CRYBG1: variants seen among roughly 807,000 people sequenced by gnomAD.
CRYBG1 encodes crystallin beta-gamma domain containing 1, also known as beta/gamma crystallin domain-containing protein 1.
A neutral mutation model predicts 189.2 loss-of-function variants in CRYBG1; 139 were observed. That is an observed-to-expected ratio of 0.73 (90% CI 0.64 to 0.85). The LOEUF (loss-of-function observed/expected upper bound fraction) is 0.85, where lower values mean the gene tolerates loss of function less well. Among genes scored for constraint, CRYBG1 ranks in the 40% least tolerant of loss-of-function variants. The probability of loss-of-function intolerance (pLI) is 0.00; values close to 1 mark genes in which losing one functional copy is unlikely to be tolerated. For missense variants in CRYBG1, 2,611 were observed against 2,675.8 expected (o/e 0.98, Z 0.53); for synonymous variants, 1,023 against 1,017.1 (o/e 1.01, Z -0.11).
At chr6:106,564,365 T>C (rs894823564) in intron 21 of CRYBG1, among the ~76,000 whole-genome samples, 1 of 152,226 alleles carries the variant, frequency 6.6e-6, no homozygotes, top group South Asian at 2.1e-4. Context: ...AGTTGATGAT[T>C]CTCATGTATA....
intron 1 of CRYBG1, among the ~76,000 whole-genome samples, chr6:106,451,201 C>A (rs1183755512): frequency 6.6e-6 from 1 of 152,180 alleles, no homozygotes; most frequent in African/African-American, 2.4e-5. Context: ...AGTTTCCATT[C>A]CTTTTGAATC....
chr6:106,392,349 C>T (rs1770523483), intron 1 of CRYBG1, among the ~76,000 whole-genome samples: 1 of 152,186 alleles, frequency 6.6e-6, no homozygotes, highest in Non-Finnish European at 1.5e-5. Flanking sequence ...ATCTCCCGCT[C>T]TCCTCATCTA....
At position 106,417,265 on chromosome 6, in the gene CRYBG1, G is replaced by A. The variant is rs536371190; in HGVS notation, c.174-34429G>A. ...AGACTGGCAGATAAGCTATCGAAGA[G>A]GGAGGAAGAAAATGTGGCAGCTGAG... is the stretch of plus-strand genomic sequence containing the variant. On this transcript the variant is annotated intron_variant, in intron 1 of 21. Coordinates refer to ENST00000633556, the MANE Select transcript of CRYBG1 (RefSeq NM_001371242.2). Among the ~76,000 whole-genome samples the A allele has an allele frequency of 9.9e-5, 15 of 152,190 alleles. No individual in the cohort carries two copies. The South Asian group carries it at 3.1e-3, about 32-fold the overall frequency.
At position 106,440,147 on chromosome 6, in the gene CRYBG1, T is replaced by C. The variant is rs186828644; in HGVS notation, c.174-11547T>C. Among the ~76,000 whole-genome samples, 289 of 152,288 alleles carry C rather than the reference T, an allele frequency of 1.9e-3. 1 individual carries two copies. The highest frequency in any genetic ancestry group is 6.5e-3 in the African/African-American group (270 of 41,584). ...ACCTGCTGTGCTGCCTCTCTTCTTCTGCCCTCTACTCTCCCTCAGCTACAT... is the reference window on the plus strand; with the variant it reads ...ACCTGCTGTGCTGCCTCTCTTCTTCCGCCCTCTACTCTCCCTCAGCTACAT... On this transcript the variant is annotated intron_variant, in intron 1 of 21. Coordinates refer to ENST00000633556, the MANE Select transcript of CRYBG1 (RefSeq NM_001371242.2).
intron 2 of CRYBG1, among the ~76,000 whole-genome samples, chr6:106,488,823 T>G (rs9398092): frequency 0.1 from 15,267 of 152,108 alleles, 963 homozygotes; most frequent in East Asian, 0.2. Flanking sequence ...TAGGCACCTG[T>G]GGGAATTTAG....
chr6:106,368,395 A>C (rs752347118), intron 1 of CRYBG1, among the ~76,000 whole-genome samples: 1 of 152,186 alleles, frequency 6.6e-6, no homozygotes, highest in Non-Finnish European at 1.5e-5. Context: ...GTGTCTGGTC[A>C]ACATGAGAAG....
intron 1 of CRYBG1, among the ~76,000 whole-genome samples, chr6:106,430,681 CTTG>C (rs1771306553): frequency 6.6e-6 from 1 of 151,684 alleles, no homozygotes; most frequent in Non-Finnish European, 1.5e-5. Context: ...GGCCTCAGTT[CTTG>C]TTGTCTGTTG....
At chr6:106,434,247 G>A (rs1771411155) in intron 1 of CRYBG1, among the ~76,000 whole-genome samples, 1 of 152,096 alleles carries the variant, frequency 6.6e-6, no homozygotes, top group Non-Finnish European at 1.5e-5. Flanking sequence ...AGTCTTGGAA[G>A]TGAGGTATCA....
At chr6:106,433,997 G>C (rs981345637) in intron 1 of CRYBG1, among the ~76,000 whole-genome samples, 3 of 151,764 alleles carry the variant, frequency 2.0e-5, no homozygotes, top group African/African-American at 7.3e-5. Flanking sequence ...CTCTTAGGTT[G>C]CCGTCAAGCT....
At chr6:106,484,949 C>A (rs958756858) in intron 2 of CRYBG1, among the ~76,000 whole-genome samples, 1 of 152,068 alleles carries the variant, frequency 6.6e-6, no homozygotes, top group Non-Finnish European at 1.5e-5. Flanking sequence ...TATGATGGAG[C>A]TACTGTACCC....
intron 7 of CRYBG1, among the ~76,000 whole-genome samples, chr6:106,529,318 A>G (rs17495720): frequency 0.22 from 34,096 of 152,088 alleles, 4,048 homozygotes; most frequent in South Asian, 0.35. Flanking sequence ...AAGGGCTATG[A>G]TATGTCATGG....
intron 1 of CRYBG1, among the ~76,000 whole-genome samples, chr6:106,419,381 A>G (rs1771084525): frequency 6.6e-6 from 1 of 152,080 alleles, no homozygotes; most frequent in Non-Finnish European, 1.5e-5. Flanking sequence ...AACTCTTCCA[A>G]GTTTTGCTTG....
intron 2 of CRYBG1, chr6:106,454,877 AC>A (rs2114443363): frequency 6.6e-6 from 1 of 152,558 alleles, no homozygotes; most frequent in East Asian, 1.9e-4. Flanking sequence ...ACAACCAGTT[AC>A]AGATTTCTTT....
chr6:106,378,518 A>T (rs1033737954), intron 1 of CRYBG1, among the ~76,000 whole-genome samples: 1 of 152,162 alleles, frequency 6.6e-6, no homozygotes, highest in African/African-American at 2.4e-5. Context: ...TTTCTTCTTT[A>T]GCTGCTGCTA....
chr6:106,397,867 G>A (rs998722530), intron 1 of CRYBG1, among the ~76,000 whole-genome samples: 2 of 152,186 alleles, frequency 1.3e-5, no homozygotes, highest in South Asian at 2.1e-4. Context: ...TGGCATAAAT[G>A]TGGGAATTTG....
At chr6:106,502,930 C>T (rs1773039218) in intron 2 of CRYBG1, among the ~76,000 whole-genome samples, 1 of 152,186 alleles carries the variant, frequency 6.6e-6, no homozygotes. Context: ...AGAAAACTCT[C>T]AAAATAACAT....
intron 13 of CRYBG1, among the ~76,000 whole-genome samples, chr6:106,549,311 G>A (rs1774345560): frequency 6.6e-6 from 1 of 152,168 alleles, no homozygotes; most frequent in Non-Finnish European, 1.5e-5. Context: ...GGGGACCTTG[G>A]CCCACTCTCC....
intron 13 of CRYBG1, among the ~76,000 whole-genome samples, chr6:106,548,947 T>A (rs997944254): frequency 1.5e-5 from 2 of 133,708 alleles, no homozygotes; most frequent in East Asian, 4.7e-4. Flanking sequence ...CCTGTGTCCA[T>A]GTGTTCTCAT....
intron 1 of CRYBG1, among the ~76,000 whole-genome samples, chr6:106,443,701 C>G (rs1771605304): frequency 6.7e-6 from 1 of 150,004 alleles, no homozygotes; most frequent in Admixed American, 6.7e-5. Flanking sequence ...GTGCCTATAA[C>G]CACATAATTT....
Sources: gnomAD v4.1 joint callset for allele counts (sites outside exome capture counted in the v4.1 genomes callset) on GRCh38, gnomAD v4.1.1 for gene constraint, MANE v1.5 for transcripts, NCBI Gene and HGNC (gene_info 2026-07-23, HGNC 2026-07-21) for gene names.